The following CDH12 variants were observed in gnomAD, a reference collection of about 807,000 sequenced individuals.
CDH12 encodes the protein cadherin 12.
In CDH12, 41 loss-of-function variants were observed where a neutral mutation model predicts 74.1. That is an observed-to-expected ratio of 0.55 (90% CI 0.43 to 0.72). The LOEUF is 0.72. CDH12 is among the 30% of genes least tolerant of loss of function. CDH12 has a pLI of 0.00. For missense variants in CDH12, 945 were observed against 977.2 expected, an observed-to-expected ratio of 0.97 and a Z score of 0.44; for synonymous variants, 399 against 355.0, an observed-to-expected ratio of 1.12 and a Z score of -1.39.
intron 1 of CDH12, among the ~76,000 whole-genome samples, chr5:22,838,400 C>A (rs1035287543): frequency 6.6e-6 from 1 of 152,122 alleles, no homozygotes; most frequent in Non-Finnish European, 1.5e-5. Flanking sequence ...GATCCTCAGC[C>A]TCCACCTTCC....
chr5:22,365,366 T>C (rs1025347551), intron 3 of CDH12, among the ~76,000 whole-genome samples: 4 of 152,202 alleles, frequency 2.6e-5, no homozygotes, highest in Admixed American at 2.0e-4. Flanking sequence ...ACTTGGTTTG[T>C]AATATTTAGA....
chr5:22,400,037 C>T (rs1333114098), intron 3 of CDH12, among the ~76,000 whole-genome samples: 5 of 152,136 alleles, frequency 3.3e-5, no homozygotes, highest in Non-Finnish European at 5.9e-5. Context: ...CTGGACTCCT[C>T]CCTTCCTAAC....
At chr5:22,371,220 T>C (rs1373373) in intron 3 of CDH12, among the ~76,000 whole-genome samples, 65,682 of 151,960 alleles carry the variant, frequency 0.43, 15,229 homozygotes, top group Non-Finnish European at 0.52. Context: ...ATTCAAATAT[T>C]TGATGAACTA....
chr5:21,813,851 T>C (rs114113166), intron 9 of CDH12, among the ~76,000 whole-genome samples: 250 of 152,270 alleles, frequency 1.6e-3, no homozygotes, highest in African/African-American at 5.8e-3. Context: ...TTTTACCCCT[T>C]CATCCTACTT....
chr5:22,497,105 A>C (rs951397890), intron 2 of CDH12, among the ~76,000 whole-genome samples: 2 of 152,216 alleles, frequency 1.3e-5, no homozygotes, highest in African/African-American at 4.8e-5. Context: ...TTAATTAAAC[A>C]ACATAACACA....
intron 1 of CDH12, among the ~76,000 whole-genome samples, chr5:22,601,621 T>C (rs1208639013): frequency 6.6e-6 from 1 of 152,034 alleles, no homozygotes; most frequent in African/African-American, 2.4e-5. Flanking sequence ...AGGAAGATGA[T>C]TATCTTTAGA....
At chr5:22,199,933 G>A (rs983494235) in intron 4 of CDH12, among the ~76,000 whole-genome samples, 2 of 152,220 alleles carry the variant, frequency 1.3e-5, no homozygotes, top group African/African-American at 4.8e-5. Context: ...AAGGCTTTTA[G>A]AAAAATACAG....
intron 1 of CDH12, among the ~76,000 whole-genome samples, chr5:22,535,324 T>C (rs978825928): frequency 1.3e-5 from 2 of 151,678 alleles, no homozygotes; most frequent in Non-Finnish European, 2.9e-5. Context: ...CCGGCTAATT[T>C]TTTTTGTATT....
At chr5:22,727,616 T>C (rs974205322) in intron 1 of CDH12, among the ~76,000 whole-genome samples, 1 of 151,806 alleles carries the variant, frequency 6.6e-6, no homozygotes, top group Non-Finnish European at 1.5e-5. Context: ...TTTAGGAGAA[T>C]AGTATTTATT....
intron 6 of CDH12, among the ~76,000 whole-genome samples, chr5:21,956,284 C>CA (rs1561326753): frequency 1.3e-5 from 2 of 150,386 alleles, no homozygotes; most frequent in African/African-American, 4.9e-5. Context: ...AAAATTAATG[C>CA]AAAAAATAAG....
At chr5:22,501,774 C>CA (rs1284505553) in intron 2 of CDH12, among the ~76,000 whole-genome samples, 3 of 150,474 alleles carry the variant, frequency 2.0e-5, no homozygotes, top group African/African-American at 7.3e-5. Flanking sequence ...GATGGCTCTG[C>CA]AATTCATTTT....
chr5:21,802,506 A>G (rs988613601), intron 9 of CDH12, 86 bp from the exon 10 acceptor site: 3 of 1,141,842 alleles, frequency 2.6e-6, no homozygotes, highest in Non-Finnish European at 3.9e-6. Context: ...GCAATTTGCA[A>G]GTTATTATCA....
intron 3 of CDH12, among the ~76,000 whole-genome samples, chr5:22,310,109 C>A (rs941598323): frequency 6.6e-6 from 1 of 151,786 alleles, no homozygotes; most frequent in South Asian, 2.1e-4. Flanking sequence ...TGTAGCAAAT[C>A]TGTATGTTCT....
At chr5:22,819,226 A>T (rs1028012938) in intron 1 of CDH12, among the ~76,000 whole-genome samples, 18 of 152,168 alleles carry the variant, frequency 1.2e-4, no homozygotes, top group African/African-American at 4.3e-4. Context: ...CTAAAGGAAC[A>T]GGTGACAAAG....
intron 13 of CDH12, among the ~76,000 whole-genome samples, chr5:21,757,366 G>A (rs1744459625): frequency 6.6e-6 from 1 of 151,956 alleles, no homozygotes; most frequent in Admixed American, 6.6e-5. Flanking sequence ...AGGAGAGATG[G>A]GGTTTCACCA....
At chr5:22,564,004 C>T (rs1051163079) in intron 1 of CDH12, among the ~76,000 whole-genome samples, 7 of 152,100 alleles carry the variant, frequency 4.6e-5, no homozygotes, top group African/African-American at 1.7e-4. Context: ...ATTGGAGACA[C>T]AGAGCCAAAA....
chr5:22,434,655 T>C (rs1744307342), intron 2 of CDH12, among the ~76,000 whole-genome samples: 2 of 152,280 alleles, frequency 1.3e-5, no homozygotes, highest in African/African-American at 4.8e-5. Flanking sequence ...TTGCAGACTT[T>C]TATATAACGT....
intron 1 of CDH12, among the ~76,000 whole-genome samples, chr5:22,618,540 C>A (rs937214958): frequency 2.0e-5 from 3 of 152,072 alleles, no homozygotes; most frequent in Non-Finnish European, 4.4e-5. Context: ...TAATTAGCAG[C>A]AATACTGAAC....
At chr5:22,603,699 C>G (rs1000536258) in intron 1 of CDH12, among the ~76,000 whole-genome samples, 2 of 152,050 alleles carry the variant, frequency 1.3e-5, no homozygotes, top group African/African-American at 2.4e-5. Context: ...GATCTCAGAA[C>G]GGACCTTGTG....
Sources: allele counts gnomAD v4.1 joint callset (sites outside exome capture counted in the v4.1 genomes callset), GRCh38; gene constraint gnomAD v4.1.1; transcripts MANE v1.5; gene names NCBI Gene and HGNC (gene_info 2026-07-23, HGNC 2026-07-21).